Variants in DNAJC13 observed in about 807,000 individuals in gnomAD.
DNAJC13 encodes DnaJ heat shock protein family (Hsp40) member C13.
Under a neutral mutation model 290.5 loss-of-function variants are expected in DNAJC13, and 75 were observed. That is an observed-to-expected ratio of 0.26 (90% CI 0.21 to 0.31). The LOEUF (loss-of-function observed/expected upper bound fraction) is 0.31. DNAJC13 is among the 10% of genes least tolerant of loss of function. The pLI is 1.00. For synonymous variants in DNAJC13, 862 were observed against 892.0 expected (o/e 0.97, Z 0.60); for missense variants, 2,260 against 2,674.5 (o/e 0.85, Z 3.42).
chr3:132,472,637 G>C, intron 20 of DNAJC13: 1 of 959,668 alleles, frequency 1.0e-6, no homozygotes, highest in Non-Finnish European at 1.2e-6. Context: ...AGTCATCTTT[G>C]ATATTCTCTG....
intron 53 of DNAJC13, among the ~76,000 whole-genome samples, chr3:132,526,920 G>A (rs1004804788): frequency 2.6e-5 from 4 of 152,208 alleles, no homozygotes; most frequent in African/African-American, 7.2e-5. Context: ...AACTTATGAA[G>A]CAGAGAGTAG....
At chr3:132,434,784 T>A (rs1248566743) in intron 2 of DNAJC13, among the ~76,000 whole-genome samples, 166 bp downstream of exon 2, 2 of 152,248 alleles carry the variant, frequency 1.3e-5, no homozygotes, top group African/African-American at 2.4e-5. Flanking sequence ...TTTTTTTTCT[T>A]TTGACATTTC....
At chr3:132,472,405 T>G (rs1934311910) in intron 20 of DNAJC13, among the ~76,000 whole-genome samples, 1 of 152,234 alleles carries the variant, frequency 6.6e-6, no homozygotes, top group African/African-American at 2.4e-5. Context: ...GCCTAAAATT[T>G]GAGTCACAGG....
At chr3:132,523,027 G>A (rs763222091) in intron 49 of DNAJC13, 30 bp downstream of exon 49, 5 of 1,602,090 alleles carry the variant, frequency 3.1e-6, no homozygotes, top group Non-Finnish European at 4.3e-6. Context: ...ATAATTTATA[G>A]CCTTTAAATA....
intron 48 of DNAJC13, among the ~76,000 whole-genome samples, chr3:132,520,013 C>A (rs1316333764): frequency 6.6e-6 from 1 of 152,156 alleles, no homozygotes; most frequent in Non-Finnish European, 1.5e-5. Context: ...TCCCTTGAGA[C>A]TTACTATCAC....
chr3:132,418,426 A>G (rs567842593), intron 1 of DNAJC13, among the ~76,000 whole-genome samples: 1 of 152,252 alleles, frequency 6.6e-6, no homozygotes, highest in Non-Finnish European at 1.5e-5. Context: ...CTTGATACTT[A>G]ACTATGTTTA....
At chr3:132,434,226 A>C (rs1405901457) in intron 1 of DNAJC13, among the ~76,000 whole-genome samples, 1 of 151,306 alleles carries the variant, frequency 6.6e-6, no homozygotes, top group Non-Finnish European at 1.5e-5. Flanking sequence ...AAAAAACAAA[A>C]AACAAAAAAA....
rs534634982 is a variant in DNAJC13 at position 132,521,554 on chromosome 3, C to T, written c.5674-1274C>T. Among the ~76,000 whole-genome samples, 18 of 152,238 alleles carry T rather than the reference C, an allele frequency of 1.2e-4. No individual in the cohort carries two copies. In the South Asian group the frequency reaches 2.9e-3, roughly 25 times the overall value. The stretch of plus-strand genomic sequence containing the variant: ...ATTGAAATAAATGGCCTTTAAATCC[C>T]GCTCTAACTTTTAGGTGCTTCTTTG... On this transcript the variant is annotated intron_variant, in intron 48 of 55. Coordinates refer to ENST00000260818, the MANE Select transcript of DNAJC13 (RefSeq NM_015268.4).
intron 2 of DNAJC13, among the ~76,000 whole-genome samples, chr3:132,445,928 G>GTGAAAAC (rs1933231382): frequency 6.6e-6 from 1 of 152,174 alleles, no homozygotes; most frequent in Non-Finnish European, 1.5e-5. Flanking sequence ...GAAGTGAGAA[G>GTGAAAAC]TGAAAACTGC....
chr3:132,501,906 A>C (rs1001625268), intron 39 of DNAJC13, among the ~76,000 whole-genome samples: 2 of 152,202 alleles, frequency 1.3e-5, no homozygotes, highest in African/African-American at 4.8e-5. Flanking sequence ...AGAATAAAAA[A>C]CTGACATAAA....
Position 132,492,568 on chromosome 3 carries a change from C to A in DNAJC13, c.3778C>A (p.Gln1260Lys), listed in dbSNP as rs1311738096. 1 of 1,613,714 alleles carries A rather than the reference C, an allele frequency of 6.2e-7. No individual in the cohort carries two copies. The highest frequency in any genetic ancestry group is 8.5e-7 in the Non-Finnish European group (1 of 1,179,756). ...ELFCNIYYLKQLCDTLRFPDW... is the reference protein window; with the variant it reads ...ELFCNIYYLKKLCDTLRFPDW... ...ATTTTGTAATATTTATTACCTCAAA[C>A]AACTGTGTGATACACTCCGGTTTCC... The change falls in exon 33 of 56, where the codon CAA becomes AAA. Residue 1260 changes from glutamine to lysine, a missense_variant. By Grantham distance (53) the Gln-to-Lys change is moderately conservative. Coordinates refer to ENST00000260818, the MANE Select transcript of DNAJC13 (RefSeq NM_015268.4).
intron 1 of DNAJC13, among the ~76,000 whole-genome samples, chr3:132,428,405 A>G (rs1403695499): frequency 2.6e-5 from 4 of 152,208 alleles, no homozygotes; most frequent in African/African-American, 9.6e-5. Context: ...ATAGGCTAAT[A>G]TTACACTGCC....
chr3:132,493,581 C>T (rs891358041), intron 33 of DNAJC13, among the ~76,000 whole-genome samples: 2 of 152,084 alleles, frequency 1.3e-5, no homozygotes, highest in Non-Finnish European at 2.9e-5. Context: ...AAGTACCTAG[C>T]TCCTTGGCAC....
At chr3:132,493,201 T>G (rs535211478) in intron 33 of DNAJC13, among the ~76,000 whole-genome samples, 2 of 152,056 alleles carry the variant, frequency 1.3e-5, no homozygotes, top group African/African-American at 4.8e-5. Flanking sequence ...ATATACACTG[T>G]TGGCCTGTCC....
intron 43 of DNAJC13, among the ~76,000 whole-genome samples, chr3:132,509,642 A>G (rs1289782532): frequency 6.6e-6 from 1 of 152,224 alleles, no homozygotes. Flanking sequence ...GTCAGCTGAT[A>G]GAGCAGACTT....
At chr3:132,460,202 C>T (rs755142640) in intron 13 of DNAJC13, 48 bp from the exon 14 acceptor site, 1 of 1,276,654 alleles carries the variant, frequency 7.8e-7, no homozygotes, top group Non-Finnish European at 1.1e-6. Flanking sequence ...GATGCTAGCA[C>T]ATGGGACTGC....
intron 43 of DNAJC13, among the ~76,000 whole-genome samples, chr3:132,509,970 C>T (rs928294591): frequency 2.0e-5 from 3 of 152,058 alleles, no homozygotes; most frequent in African/African-American, 7.2e-5. Flanking sequence ...GAAATAATAC[C>T]AAATGCTTGT....
chr3:132,461,841 C>T lies in DNAJC13; in HGVS notation c.1714-626C>T, dbSNP rs12492278. Among the ~76,000 whole-genome samples the T allele has an allele frequency of 4.4e-3, 665 of 152,202 alleles. 25 individuals carry two copies. The highest frequency in any genetic ancestry group is 0.033 in the Admixed American group (508 of 15,282). On this transcript the variant is annotated intron_variant, in intron 15 of 55. Coordinates refer to ENST00000260818, the MANE Select transcript of DNAJC13 (RefSeq NM_015268.4). ...GAGTAGCTGGGACCACAGGCACATG[C>T]TACCAAACCCGGCTAATTTATTTAT...
At chr3:132,499,645 AG>A in intron 37 of DNAJC13, 88 bp from the exon 38 acceptor site, 1 of 1,066,300 alleles carries the variant, frequency 9.4e-7, no homozygotes. Context: ...TTAACATTAA[AG>A]GGTTATTTAT....
Sources: gnomAD v4.1 joint callset for allele counts (sites outside exome capture counted in the v4.1 genomes callset) on GRCh38, gnomAD v4.1.1 for gene constraint, MANE v1.5 for transcripts, NCBI Gene and HGNC (gene_info 2026-07-23, HGNC 2026-07-21) for gene names.